WFDC8: variants seen among roughly 807,000 people sequenced by gnomAD.
The protein encoded by WFDC8 is WAP four-disulfide core domain protein 8.
WFDC8 carries 24 observed loss-of-function variants against 27.0 expected under a neutral mutation model. That is an observed-to-expected ratio of 0.89 (90% CI 0.64 to 1.25). WFDC8 has a LOEUF of 1.25. Among genes scored for constraint, WFDC8 ranks in the 50% most tolerant of loss-of-function variants. The pLI, the probability that WFDC8 is intolerant of heterozygous loss-of-function variation, is 0.00. For synonymous variants in WFDC8, 106 were observed against 99.7 expected (o/e 1.06, Z -0.38); for missense variants, 287 against 295.9 (o/e 0.97, Z 0.22).
At chr20:45,562,041 C>A in intron 2 of WFDC8, 69 bp downstream of exon 2, 1 of 1,424,654 alleles carries the variant, frequency 7.0e-7, no homozygotes. Context: ...CTGGCACTGG[C>A]CTCATGTCTA....
intron 3 of WFDC8, among the ~76,000 whole-genome samples, chr20:45,557,940 CT>C (rs1361907409): frequency 2.0e-5 from 3 of 152,102 alleles, no homozygotes; most frequent in African/African-American, 7.2e-5. Context: ...AAAAAATCTC[CT>C]AGAACATCTG....
chr20:45,564,924 G>A (rs981916405), intron 1 of WFDC8, among the ~76,000 whole-genome samples: 1 of 143,844 alleles, frequency 7.0e-6, no homozygotes, highest in East Asian at 2.0e-4. Context: ...AAGAAAGAGA[G>A]AGTGAAAGAA....
intron 1 of WFDC8, among the ~76,000 whole-genome samples, chr20:45,573,447 C>T (rs1980938690): frequency 6.6e-6 from 1 of 152,168 alleles, no homozygotes. Context: ...TTATCCCTCT[C>T]TGCCCTCCTA....
At chr20:45,557,936 T>A (rs998430445) in intron 3 of WFDC8, among the ~76,000 whole-genome samples, 1 of 152,020 alleles carries the variant, frequency 6.6e-6, no homozygotes, top group East Asian at 1.9e-4. Context: ...ATTTAAAAAA[T>A]CTCCTAGAAC....
intron 1 of WFDC8, among the ~76,000 whole-genome samples, chr20:45,575,340 T>C (rs1361925017): frequency 6.6e-6 from 1 of 152,024 alleles, no homozygotes; most frequent in Non-Finnish European, 1.5e-5. Flanking sequence ...GGATACAAAA[T>C]CAACATACAA....
chr20:45,563,971 G>C (rs763924558), intron 1 of WFDC8, among the ~76,000 whole-genome samples: 2 of 152,132 alleles, frequency 1.3e-5, no homozygotes, highest in African/African-American at 2.4e-5. Flanking sequence ...TATATCCCAT[G>C]CAATATAAGG....
chr20:45,559,588 C>G (rs1051394688), intron 2 of WFDC8, among the ~76,000 whole-genome samples: 1 of 152,186 alleles, frequency 6.6e-6, no homozygotes, highest in Non-Finnish European at 1.5e-5. Context: ...GTTATATTTT[C>G]CATCTTTAAA....
At chr20:45,576,881 T>C (rs1279669029) in intron 1 of WFDC8, among the ~76,000 whole-genome samples, 5 of 151,540 alleles carry the variant, frequency 3.3e-5, no homozygotes, top group African/African-American at 1.2e-4. Context: ...TTAATTGACA[T>C]TTATGGGCAC....
chr20:45,552,987 CTTG>C, intron 5 of WFDC8, 146 bp downstream of exon 5: 1 of 895,282 alleles, frequency 1.1e-6, no homozygotes, highest in Non-Finnish European at 1.7e-6. Flanking sequence ...GTCAATATAA[CTTG>C]TTGGGCATTA....
chr20:45,572,232 C>CA (rs1980893250), intron 1 of WFDC8, among the ~76,000 whole-genome samples: 1 of 151,900 alleles, frequency 6.6e-6, no homozygotes, highest in African/African-American at 2.4e-5. Flanking sequence ...CCCGTCTCTA[C>CA]TAAAAATACA....
rs1980046793 is a variant in WFDC8, at chr20:45,551,903, A to C, written c.*123T>G. ...ATGGGATTATATATAAAATCAAAGT[A>C]ACATCATTCAATATTGTGATACTTA... On this transcript the variant is annotated 3_prime_UTR_variant, in exon 6 of 6. Transcript: ENST00000289953. 1.6e-6 allele frequency: 2 copies of C among 1,217,172 alleles called. No individual in the cohort carries two copies. Among genetic ancestry groups the C allele is most frequent in the Non-Finnish European group, 2.3e-6 (2 of 878,134 alleles). The allele number at this position is 1,217,172 out of a possible 1,614,324, so 75.4% of individuals were successfully genotyped here.
intron 1 of WFDC8, chr20:45,568,722 G>T: frequency 3.8e-6 from 2 of 527,628 alleles, no homozygotes; most frequent in South Asian, 1.4e-5. Flanking sequence ...GAAGATGTGA[G>T]AGCAGATGGT....
intron 1 of WFDC8, among the ~76,000 whole-genome samples, chr20:45,569,114 T>A (rs912173017): frequency 1.3e-5 from 2 of 152,240 alleles, no homozygotes; most frequent in African/African-American, 4.8e-5. Context: ...TCAGGGGGTC[T>A]GCAGATGACC....
chr20:45,554,535 G>T (rs1412127194), intron 4 of WFDC8, among the ~76,000 whole-genome samples: 1 of 152,168 alleles, frequency 6.6e-6, no homozygotes, highest in South Asian at 2.1e-4. Flanking sequence ...GCTTCCCCAG[G>T]TCAGGCTCAG....
At position 45,560,443 on chromosome 20, in the gene WFDC8, T is replaced by G. The variant is rs1051239572; in HGVS notation, c.137-1451A>C. Among the ~76,000 whole-genome samples the G allele has an allele frequency of 2.4e-4, 36 of 152,222 alleles. 1 individual carries two copies. Among genetic ancestry groups the G allele is most frequent in the African/African-American group, 8.4e-4 (35 of 41,454 alleles). On this transcript the variant is annotated intron_variant, in intron 2 of 5. Transcript: ENST00000289953. ...CCAGACTTCTGACCCACAGATAATT[T>G]GTTACGTAGCAAAGGATAGCTCATA...
chr20:45,551,983 C>T lies in WFDC8; in HGVS notation c.*43G>A. 4 of 1,606,276 alleles carry T rather than the reference C, an allele frequency of 2.5e-6. No homozygotes were observed. The highest frequency in any genetic ancestry group is 3.4e-6 in the Non-Finnish European group (4 of 1,175,180). ...AAACTGACAGCTCTTTATCATGCTA[C>T]TCATAATTAATGATTTTGATGATAA... is the stretch of plus-strand genomic sequence containing the variant. On this transcript the variant is annotated 3_prime_UTR_variant, in exon 6 of 6. Coordinates refer to ENST00000289953, the MANE Select transcript of WFDC8 (RefSeq NM_130896.3).
Position 45,552,106 on chromosome 20 carries a change from A to T in WFDC8, c.646T>A (p.Cys216Ser), listed in dbSNP as rs1428772398. The change falls in exon 6 of 6, where the codon TGC becomes AGC. Residue 216 changes from cysteine (C) to serine (S), a missense_variant. Physicochemically the swap from Cys to Ser is moderately radical, Grantham distance 112. Coordinates refer to ENST00000289953, the MANE Select transcript of WFDC8 (RefSeq NM_130896.3). ...AATGGGCACTCCTCATCCTGCAGGC[A>T]CTTGGGTTTATCAATCTTGGTACAT... The part of the protein sequence containing the change: ...LLCTKIDKPK[C>S]LQDEECPLVE... 1 of 1,614,142 alleles carries T rather than the reference A, an allele frequency of 6.2e-7. No homozygotes were observed. Among genetic ancestry groups the T allele is most frequent in the Non-Finnish European group, 8.5e-7 (1 of 1,179,974 alleles).
intron 3 of WFDC8, 91 bp from the exon 4 acceptor site, chr20:45,555,959 T>C: frequency 7.4e-7 from 1 of 1,351,006 alleles, no homozygotes; most frequent in Non-Finnish European, 1.0e-6. Flanking sequence ...CTCCTGGTGT[T>C]ATCACCCAAG....
intron 3 of WFDC8, 139 bp from the exon 4 acceptor site, chr20:45,556,007 T>C: frequency 1.3e-6 from 1 of 790,290 alleles, no homozygotes; most frequent in Non-Finnish European, 2.0e-6. Context: ...AAAAAAGGCA[T>C]AGGTTCTGGT....
Sources: allele counts gnomAD v4.1 joint callset (sites outside exome capture counted in the v4.1 genomes callset), GRCh38; gene constraint gnomAD v4.1.1; transcripts MANE v1.5; gene names NCBI Gene and HGNC (gene_info 2026-07-23, HGNC 2026-07-21).